ANGPT4: variants seen among roughly 807,000 people sequenced by gnomAD.
ANGPT4 encodes the protein angiopoietin 4.
A neutral mutation model predicts 53.0 loss-of-function variants in ANGPT4; 50 were observed. That is an observed-to-expected ratio of 0.94 (90% CI 0.75 to 1.20). ANGPT4 has a LOEUF of 1.20. Ranked by LOEUF, ANGPT4 falls within the 50% of genes most tolerant of loss-of-function variation. The pLI, the probability that ANGPT4 is intolerant of heterozygous loss-of-function variation, is 0.00. For synonymous variants in ANGPT4, 251 were observed against 259.7 expected (o/e 0.97, Z 0.32); for missense variants, 648 against 637.1 (o/e 1.02, Z -0.18).
chr20:912,446 C>G (rs1982739847), intron 1 of ANGPT4, among the ~76,000 whole-genome samples: 1 of 152,212 alleles, frequency 6.6e-6, no homozygotes, highest in Non-Finnish European at 1.5e-5. Context: ...CTAGAGATGC[C>G]TGCACTGCAG....
intron 1 of ANGPT4, among the ~76,000 whole-genome samples, chr20:897,442 G>A (rs976561420): frequency 2.0e-4 from 30 of 152,090 alleles, no homozygotes; most frequent in South Asian, 6.3e-4. Context: ...CTTCCAATTC[G>A]GGTTCCTTTT....
Position 890,260 on chromosome 20 carries a change from T to G in ANGPT4, c.418A>C (p.Asn140His). ...PMLELGTSLL[N>H]QTTAQIRKLT... ...TTGCGGATCTGGGCAGTGGTCTGGT[T>G]CAGGAGGCTGGTGCCCAGCTCTAGC... The change falls in exon 2 of 9, where the codon AAC (asparagine) becomes CAC (histidine). Residue 140 changes from asparagine to histidine, a missense_variant. Transcript: ENST00000381922. The G allele has an allele frequency of 6.2e-7, 1 of 1,613,998 alleles. No individual in the cohort carries two copies. The highest frequency in any genetic ancestry group is 1.1e-5 in the South Asian group (1 of 91,072).
chr20:895,244 C>T (rs1308384741), intron 1 of ANGPT4, among the ~76,000 whole-genome samples: 4 of 152,180 alleles, frequency 2.6e-5, no homozygotes, highest in Non-Finnish European at 4.4e-5. Flanking sequence ...ATTAGACCTG[C>T]CCCTTCTCCA....
chr20:900,995 C>G (rs953345892), intron 1 of ANGPT4, among the ~76,000 whole-genome samples: 1 of 152,160 alleles, frequency 6.6e-6, no homozygotes, highest in African/African-American at 2.4e-5. Flanking sequence ...CTAACAACCC[C>G]ACAATGTCAC....
At chr20:909,564 T>A (rs1407142116) in intron 1 of ANGPT4, among the ~76,000 whole-genome samples, 1 of 152,220 alleles carries the variant, frequency 6.6e-6, no homozygotes, top group African/African-American at 2.4e-5. Flanking sequence ...TCTTGACGTT[T>A]ACTGAGCACT....
In ANGPT4 at chr20:914,957, G is replaced by A. The variant is rs564535610; in HGVS notation, c.309+949C>T. ...TCAGCTCCTTGCTTCCTCCCACTCCGCATCCAATTCACCAGCAGAGCTGAT... is the reference window on the plus strand; with the variant it reads ...TCAGCTCCTTGCTTCCTCCCACTCCACATCCAATTCACCAGCAGAGCTGAT... On this transcript the variant is annotated intron_variant, in intron 1 of 8. Transcript: ENST00000381922. The surrounding 1 kb of genome is among the most constrained non-coding windows in gnomAD (Gnocchi z 5.0). 1.2e-4 allele frequency among the ~76,000 whole-genome samples: 19 copies of A among 152,178 alleles called. No homozygotes were observed. The South Asian group carries it at 1.9e-3, about 15-fold the overall frequency.
chr20:887,467 GAAC>G (rs546576403), intron 3 of ANGPT4, among the ~76,000 whole-genome samples: 12 of 152,182 alleles, frequency 7.9e-5, no homozygotes, highest in Non-Finnish European at 1.5e-4. Flanking sequence ...ACCGGCATGT[GAAC>G]AACAACATCT....
At chr20:903,865 G>A (rs535862985) in intron 1 of ANGPT4, among the ~76,000 whole-genome samples, 2 of 152,278 alleles carry the variant, frequency 1.3e-5, no homozygotes, top group African/African-American at 4.8e-5. Flanking sequence ...GACATCTGGG[G>A]AGCAAAGACT....
chr20:872,916 T>C lies in ANGPT4; in HGVS notation c.*44A>G. 1 of 1,609,184 alleles carries C rather than the reference T, an allele frequency of 6.2e-7. No individual in the cohort carries two copies. The highest frequency in any genetic ancestry group is 8.5e-7 in the Non-Finnish European group (1 of 1,177,210). On this transcript the variant is annotated 3_prime_UTR_variant, in exon 9 of 9. Transcript: ENST00000381922. ...GTCCAGGTTGTCCAGGAGTGCCAAG[T>C]CCGAGCTTCTCCTGTGTGGTCCAGC... is the stretch of plus-strand genomic sequence containing the variant.
chr20:895,680 A>G (rs73582862), intron 1 of ANGPT4, among the ~76,000 whole-genome samples: 25,748 of 152,116 alleles, frequency 0.17, 4,012 homozygotes, highest in African/African-American at 0.42. Flanking sequence ...ATGGACATCA[A>G]TTGGTGAATG....
intron 1 of ANGPT4, among the ~76,000 whole-genome samples, chr20:896,156 T>G (rs1252747640): frequency 6.6e-6 from 1 of 152,236 alleles, no homozygotes; most frequent in African/African-American, 2.4e-5. Flanking sequence ...CCTCACCCTC[T>G]CTGAGTTTCA....
In ANGPT4 at chr20:874,257, C is replaced by T. The variant is rs2297123; in HGVS notation, c.1351+27G>A. 1.0e-4 allele frequency: 162 copies of T among 1,612,250 alleles called. 2 individuals carry two copies. In the East Asian group the frequency reaches 2.5e-3, roughly 25 times the overall value. ...CAATCTGGGTGAGCCTGTGGGTGGG[C>T]GGAGCTTCACCCCACCCTGCACCTA... On this transcript the variant is annotated intron_variant, in intron 8 of 8. Transcript: ENST00000381922.
intron 3 of ANGPT4, among the ~76,000 whole-genome samples, chr20:885,867 GAAGA>G (rs1227093497): frequency 6.6e-6 from 1 of 152,194 alleles, no homozygotes; most frequent in African/African-American, 2.4e-5. Context: ...TGTGGCAAGA[GAAGA>G]AAGAAAGTAT....
intron 1 of ANGPT4, among the ~76,000 whole-genome samples, chr20:902,313 G>A (rs904547707): frequency 2.0e-5 from 3 of 151,800 alleles, no homozygotes; most frequent in African/African-American, 7.3e-5. Context: ...TCTGTGAATA[G>A]AATTCAAGGA....
chr20:907,394 C>T (rs1455488061), intron 1 of ANGPT4, among the ~76,000 whole-genome samples: 1 of 152,146 alleles, frequency 6.6e-6, no homozygotes, highest in Non-Finnish European at 1.5e-5. Context: ...TTGGGAGGGG[C>T]TGCCAGGGTC....
At position 910,076 on chromosome 20, in the gene ANGPT4, T is replaced by C. The variant is rs180699759; in HGVS notation, c.309+5830A>G. ...CCCATCCACCATGGACATGGCTTAT[T>C]TATTGGACAGAAAACTGGCTTAAGT... On this transcript the variant is annotated intron_variant, in intron 1 of 8. Transcript: ENST00000381922. Among the ~76,000 whole-genome samples the C allele has an allele frequency of 2.0e-5, 3 of 152,276 alleles. No homozygotes were observed. The East Asian group carries it at 5.8e-4, about 29-fold the overall frequency.
At chr20:892,261 A>T (rs565613928) in intron 1 of ANGPT4, among the ~76,000 whole-genome samples, 1 of 152,250 alleles carries the variant, frequency 6.6e-6, no homozygotes, top group East Asian at 1.9e-4. Flanking sequence ...CAACAACAAC[A>T]TAACGTTAAT....
Position 908,106 on chromosome 20 carries a change from G to A in ANGPT4, c.309+7800C>T, listed in dbSNP as rs1982550179. 6.6e-6 allele frequency among the ~76,000 whole-genome samples: 1 copy of A among 152,078 alleles called. No individual in the cohort carries two copies. The highest frequency in any genetic ancestry group is 1.5e-5 in the Non-Finnish European group (1 of 68,020). ...GATGGGGTGACAGGGATAAGATTAGGGTCAGACAAAGATGGTGGAAGCTGG... is the reference window on the plus strand; with the variant it reads ...GATGGGGTGACAGGGATAAGATTAGAGTCAGACAAAGATGGTGGAAGCTGG... On this transcript the variant is annotated intron_variant, in intron 1 of 8. Coordinates refer to ENST00000381922, the MANE Select transcript of ANGPT4 (RefSeq NM_015985.4). The surrounding 1 kb of genome is among the most constrained non-coding windows in gnomAD (Gnocchi z 4.9).
chr20:915,853 T>C lies in ANGPT4; in HGVS notation c.309+53A>G, dbSNP rs562175835. 12 of 1,519,174 alleles carry C rather than the reference T, an allele frequency of 7.9e-6. No individual in the cohort carries two copies. In the African/African-American group the frequency reaches 1.2e-4, roughly 16 times the overall value. 94.1% of individuals were successfully genotyped at this position (1,519,174 alleles called of 1,614,324 possible). ...GGATGGACACTCCACCTGCTGATTG[T>C]GACAGACCCCAAAGCCGCCCTCTGC... On this transcript the variant is annotated intron_variant, in intron 1 of 8. Transcript: ENST00000381922.
Sources: allele counts gnomAD v4.1 joint callset (sites outside exome capture counted in the v4.1 genomes callset), GRCh38; gene constraint gnomAD v4.1.1; non-coding constraint Gnocchi (gnomAD v3.1); transcripts MANE v1.5; gene names NCBI Gene and HGNC (gene_info 2026-07-23, HGNC 2026-07-21).